The following NCOA7 variants were observed in gnomAD, a reference collection of about 807,000 sequenced individuals.
NCOA7 encodes the protein nuclear receptor coactivator 7, also known as 140 kDa estrogen receptor-associated protein.
A neutral mutation model predicts 104.3 loss-of-function variants in NCOA7; 45 were observed. That is an observed-to-expected ratio of 0.43 (90% CI 0.34 to 0.55). The LOEUF (loss-of-function observed/expected upper bound fraction) is 0.55, where lower values mean the gene tolerates loss of function less well. Ranked by LOEUF, NCOA7 falls within the 20% of genes least tolerant of loss-of-function variation. The probability of loss-of-function intolerance (pLI) is 0.02; values close to 1 mark genes in which losing one functional copy is unlikely to be tolerated. For missense variants in NCOA7, 1,041 were observed against 1,119.7 expected (o/e 0.93, Z 1.00); for synonymous variants, 398 against 402.3 (o/e 0.99, Z 0.13).
At chr6:125,810,233 T>A (rs1776853972) in intron 1 of NCOA7, 1 of 152,080 alleles carries the variant, frequency 6.6e-6, no homozygotes, top group South Asian at 2.1e-4. Context: ...GTCAGTTTGG[T>A]GTAGTTAAGG....
chr6:125,789,918 C>T (rs116968003), upstream of NCOA7, among the ~76,000 whole-genome samples: 177 of 152,338 alleles, frequency 1.2e-3, 2 homozygotes, highest in East Asian at 0.033. Flanking sequence ...TGAATGAACT[C>T]CACGGCCAGA....
intron 8 of NCOA7, 138 bp downstream of exon 8, chr6:125,885,481 T>C: frequency 1.8e-5 from 12 of 655,820 alleles, no homozygotes; most frequent in Non-Finnish European, 2.2e-5. Flanking sequence ...CTGAAGAAAA[T>C]GAGAAAAATG....
chr6:125,810,462 C>T (rs1776884219), intron 1 of NCOA7: 1 of 152,124 alleles, frequency 6.6e-6, no homozygotes, highest in Non-Finnish European at 1.5e-5. Flanking sequence ...TCATCTTGTG[C>T]TTTCTCGTGA....
At chr6:125,833,876 T>G (rs1254619639) in intron 2 of NCOA7, among the ~76,000 whole-genome samples, 1 of 152,190 alleles carries the variant, frequency 6.6e-6, no homozygotes, top group African/African-American at 2.4e-5. Flanking sequence ...AATTATAAAG[T>G]TAACACTAGC....
At chr6:125,855,457 C>T in intron 3 of NCOA7, 1 of 470,472 alleles carries the variant, frequency 2.1e-6, no homozygotes. Context: ...TAGCACAGTG[C>T]CCAGAATGTA....
chr6:125,821,487 G>A (rs183957767), intron 2 of NCOA7, among the ~76,000 whole-genome samples: 69 of 152,218 alleles, frequency 4.5e-4, no homozygotes, highest in African/African-American at 1.6e-3. Context: ...CACAGTGTGG[G>A]TTGCATAGAT....
chr6:125,841,297 A>G (rs867633629), intron 2 of NCOA7, among the ~76,000 whole-genome samples: 11 of 152,146 alleles, frequency 7.2e-5, no homozygotes, highest in African/African-American at 2.4e-4. Context: ...GCCTAGTAGC[A>G]ATGGGTTCTA....
At chr6:125,838,244 C>T (rs1237399665) in intron 2 of NCOA7, among the ~76,000 whole-genome samples, 1 of 151,990 alleles carries the variant, frequency 6.6e-6, no homozygotes, top group African/African-American at 2.4e-5. Flanking sequence ...AAGAATGGGG[C>T]TCAGGGCATG....
intron 10 of NCOA7, among the ~76,000 whole-genome samples, chr6:125,903,709 C>CTTT (rs386408527): frequency 7.0e-6 from 1 of 143,838 alleles, no homozygotes; most frequent in Non-Finnish European, 1.5e-5. Context: ...TTACTACCTT[C>CTTT]TTTTTTTTTT....
At chr6:125,858,956 G>A (rs775217989) in intron 3 of NCOA7, among the ~76,000 whole-genome samples, 1 of 152,198 alleles carries the variant, frequency 6.6e-6, no homozygotes, top group Admixed American at 6.5e-5. Context: ...GGTGGCTCTA[G>A]TCTGGGAGGG....
In NCOA7 at chr6:125,921,034, A is replaced by G; in HGVS notation, c.2336A>G (p.His779Arg). The change falls in exon 12 of 16, where the codon CAC (histidine) becomes CGC (arginine). Residue 779 changes from histidine (H) to arginine (R), a missense_variant. By Grantham distance (29) the His-to-Arg change is conservative. Coordinates refer to ENST00000392477, the MANE Select transcript of NCOA7 (RefSeq NM_181782.5). The stretch of plus-strand genomic sequence containing the variant: ...GAGGTGCTGCCTGTCCTACGGCCCC[A>G]CAGCGCGCTCCTGGAGAATATGCAC... ...DEEVLPVLRPHSALLENMHIE... is the reference protein window; with the variant it reads ...DEEVLPVLRPRSALLENMHIE... 1 of 1,613,774 alleles carries G rather than the reference A, an allele frequency of 6.2e-7. No homozygotes were observed.
intron 1 of NCOA7, among the ~76,000 whole-genome samples, chr6:125,784,355 G>C (rs899734215): frequency 1.1e-4 from 16 of 151,836 alleles, no homozygotes; most frequent in African/African-American, 3.9e-4. Context: ...AAGCAATTAT[G>C]GTATAATAAG....
At chr6:125,791,333 C>A (rs1344219012) in intron 1 of NCOA7, among the ~76,000 whole-genome samples, 2 of 152,208 alleles carry the variant, frequency 1.3e-5, no homozygotes, top group African/African-American at 4.8e-5. Context: ...CGCGCCAGTA[C>A]GAGAGTGGGG....
At chr6:125,804,588 CTT>C (rs930184454) in intron 1 of NCOA7, among the ~76,000 whole-genome samples, 5 of 152,132 alleles carry the variant, frequency 3.3e-5, no homozygotes, top group Admixed American at 6.5e-5. Flanking sequence ...CCCTTCTAAT[CTT>C]TGTGTGCAGG....
chr6:125,852,276 A>G (rs1031825478), intron 2 of NCOA7, among the ~76,000 whole-genome samples: 3 of 151,558 alleles, frequency 2.0e-5, no homozygotes, highest in African/African-American at 7.3e-5. Context: ...GCTCACTACA[A>G]CCTCCGCCAC....
chr6:125,915,280 C>A, intron 10 of NCOA7, 53 bp from the exon 11 acceptor site: 1 of 1,604,158 alleles, frequency 6.2e-7, no homozygotes, highest in Non-Finnish European at 8.5e-7. Flanking sequence ...CACACTAGCA[C>A]CTGCCAAGAA....
intron 1 of NCOA7, among the ~76,000 whole-genome samples, chr6:125,809,456 T>C (rs1186073398): frequency 6.6e-6 from 1 of 152,198 alleles, no homozygotes; most frequent in Non-Finnish European, 1.5e-5. Context: ...GTGCTGGGAA[T>C]ATAGGCATGA....
At chr6:125,904,965 G>T (rs147957716) in intron 10 of NCOA7, among the ~76,000 whole-genome samples, 1 of 152,206 alleles carries the variant, frequency 6.6e-6, no homozygotes, top group Non-Finnish European at 1.5e-5. Context: ...TCTGTTCATG[G>T]GTGTTACCAC....
chr6:125,896,312 A>G (rs1785014852), intron 10 of NCOA7, among the ~76,000 whole-genome samples: 1 of 152,252 alleles, frequency 6.6e-6, no homozygotes. Flanking sequence ...CCTTTTCTCC[A>G]GATGCTTGGA....
Sources: gnomAD v4.1 joint callset for allele counts (sites outside exome capture counted in the v4.1 genomes callset) on GRCh38, gnomAD v4.1.1 for gene constraint, MANE v1.5 for transcripts, NCBI Gene and HGNC (gene_info 2026-07-23, HGNC 2026-07-21) for gene names.